The following ADGRF3 variants were observed in gnomAD, a reference collection of about 807,000 sequenced individuals.
ADGRF3 encodes G protein-coupled receptor 113.
A neutral mutation model predicts 93.2 loss-of-function variants in ADGRF3; 85 were observed. The observed-to-expected ratio is 0.91, with a 90% CI of 0.77 to 1.09. ADGRF3 has a LOEUF of 1.09. Among genes scored for constraint, ADGRF3 ranks in the 50% least tolerant of loss-of-function variants. The pLI is 0.00. For synonymous variants in ADGRF3, 534 were observed against 532.5 expected (o/e 1.00, Z -0.04); for missense variants, 1,125 against 1,246.2 (o/e 0.90, Z 1.46).
At chr2:26,344,344 A>G (rs1343372333) in intron 1 of ADGRF3, among the ~76,000 whole-genome samples, 2 of 152,136 alleles carry the variant, frequency 1.3e-5, no homozygotes, top group African/African-American at 2.4e-5. Flanking sequence ...AGGTTTCACC[A>G]TATTGTCCAG....
intron 4 of ADGRF3, 105 bp from the exon 5 acceptor site, chr2:26,315,845 C>T: frequency 6.8e-7 from 1 of 1,472,950 alleles, no homozygotes; most frequent in African/African-American, 1.4e-5. Context: ...TTCCTCCACA[C>T]TCCCTCCCTA....
intron 1 of ADGRF3, among the ~76,000 whole-genome samples, chr2:26,338,873 C>T (rs919401448): frequency 1.3e-5 from 2 of 152,026 alleles, no homozygotes; most frequent in Admixed American, 6.5e-5. Flanking sequence ...TGCGGTGGCT[C>T]ACGCCTGTAA....
At chr2:26,331,365 C>T (rs1056686074) in intron 1 of ADGRF3, among the ~76,000 whole-genome samples, 3 of 152,152 alleles carry the variant, frequency 2.0e-5, no homozygotes, top group African/African-American at 7.2e-5. Context: ...GCCTGACCAA[C>T]ATGGCGAAAC....
At chr2:26,310,127 T>C in intron 11 of ADGRF3, 22 bp from the exon 12 acceptor site, 6 of 1,614,038 alleles carry the variant, frequency 3.7e-6, no homozygotes, top group Non-Finnish European at 5.1e-6. Flanking sequence ...GTAAATGCTC[T>C]GCTTATGCCA....
chr2:26,331,707 T>C (rs972151265), intron 1 of ADGRF3, among the ~76,000 whole-genome samples: 1 of 152,070 alleles, frequency 6.6e-6, no homozygotes, highest in Non-Finnish European at 1.5e-5. Context: ...GCTGCCTGGG[T>C]GCAGAGTGAG....
rs746048383 is a variant in ADGRF3, at chr2:26,315,760, A to C, written c.500-20T>G. 7.7e-6 allele frequency: 12 copies of C among 1,550,618 alleles called. No homozygotes were observed. The highest frequency in any genetic ancestry group is 7.0e-6 in the Non-Finnish European group (8 of 1,146,934). ...CGGGGACTGCAGGGAGGCAGGTGAC[A>C]GGGGACCCTGGAGGAGGGACTTATG... is the stretch of plus-strand genomic sequence containing the variant. On this transcript the variant is annotated intron_variant, in intron 4 of 13. Transcript: ENST00000651242.
intron 3 of ADGRF3, 109 bp from the exon 4 acceptor site, chr2:26,316,557 C>G (rs1674694028): frequency 4.4e-6 from 5 of 1,147,894 alleles, no homozygotes. Flanking sequence ...GTATCTGGAC[C>G]AATCCCCAAG....
chr2:26,321,010 A>G (rs10207722), intron 1 of ADGRF3, among the ~76,000 whole-genome samples: 26,749 of 152,142 alleles, frequency 0.18, 4,050 homozygotes, highest in African/African-American at 0.41. Context: ...GGGATTAAGG[A>G]TCTGGATGGG....
intron 1 of ADGRF3, among the ~76,000 whole-genome samples, chr2:26,324,168 C>T (rs569991905): frequency 1.5e-4 from 23 of 152,226 alleles, no homozygotes; most frequent in African/African-American, 2.6e-4. Context: ...GGACGATCAC[C>T]GGAGCCCAGG....
At chr2:26,334,093 G>C (rs1329145981) in intron 1 of ADGRF3, among the ~76,000 whole-genome samples, 1 of 151,390 alleles carries the variant, frequency 6.6e-6, no homozygotes, top group African/African-American at 2.4e-5. Context: ...CCTAAAGTGC[G>C]TGAGCCACTG....
In ADGRF3 at chr2:26,313,046, T is replaced by C; in HGVS notation, c.1346A>G (p.Glu449Gly). The C allele has an allele frequency of 6.2e-7, 1 of 1,614,042 alleles. No homozygotes were observed. Among genetic ancestry groups the C allele is most frequent in the South Asian group, 1.1e-5 (1 of 91,088 alleles). Reference sequence around the variant, plus strand: ...CAGTAAGTCGGAGGGTGAACTTGCCTCTGCCGCCTGCCCTGGCAGCTGTGC... The same window carrying C: ...CAGTAAGTCGGAGGGTGAACTTGCCCCTGCCGCCTGCCCTGGCAGCTGTGC... ...ILAQLPGQAA[E>G]ASSPSDLLTL... Residue 449 changes from glutamate to glycine, a missense_variant, in exon 9 of 14, where the codon GAG (glutamate) becomes GGG (glycine). Physicochemically the swap from Glu to Gly is moderately conservative, Grantham distance 98. Transcript: ENST00000651242.
At chr2:26,312,825 G>A in intron 9 of ADGRF3, 118 bp downstream of exon 9, 1 of 911,206 alleles carries the variant, frequency 1.1e-6, no homozygotes. Flanking sequence ...CCTGGACTCT[G>A]GAAAGGTCTG....
At chr2:26,337,555 G>A (rs1236566866) in intron 1 of ADGRF3, among the ~76,000 whole-genome samples, 1 of 152,190 alleles carries the variant, frequency 6.6e-6, no homozygotes, top group South Asian at 2.1e-4. Flanking sequence ...TTAGGCTACT[G>A]AATTTTGAGT....
intron 9 of ADGRF3, among the ~76,000 whole-genome samples, chr2:26,312,361 C>T (rs1674245205): frequency 6.6e-6 from 1 of 152,202 alleles, no homozygotes; most frequent in African/African-American, 2.4e-5. Flanking sequence ...CTAGGGGCCA[C>T]CCAGGTTCTA....
At chr2:26,312,197 G>C (rs895167151) in intron 9 of ADGRF3, 123 bp from the exon 10 acceptor site, 33 of 964,528 alleles carry the variant, frequency 3.4e-5, no homozygotes, top group Non-Finnish European at 5.1e-5. Flanking sequence ...CAAGGTTGGA[G>C]AGAAAAGGGA....
chr2:26,343,437 CTTTT>C (rs61227869), intron 1 of ADGRF3, among the ~76,000 whole-genome samples: 2 of 146,332 alleles, frequency 1.4e-5, no homozygotes, highest in Non-Finnish European at 3.0e-5. Flanking sequence ...ATCAAATGAT[CTTTT>C]TTTTTTTTAT....
rs200527412 is a variant in ADGRF3 at position 26,313,503 on chromosome 2, T to G, written c.1143A>C (p.Ala381=). Residue 381 remains alanine (A), a synonymous_variant, in exon 8 of 14, where the codon GCA becomes GCC. Transcript: ENST00000651242. The part of the protein sequence containing the change: ...TWNVTKAGHV[A]QAPCPESKRG... ...TCTTGCTCTCAGGACATGGGGCCTG[T>G]GCCACGTGGCCAGCCTTGGTGACAT... 37 of 1,612,008 alleles carry G rather than the reference T, an allele frequency of 2.3e-5. No individual in the cohort carries two copies. The African/African-American group carries it at 3.7e-4, about 16-fold the overall frequency.
rs77635864 is a variant in ADGRF3 at position 26,309,815 on chromosome 2, G to C, written c.2937+228C>G. The stretch of plus-strand genomic sequence containing the variant: ...GGAGAAACCAGAGAAAAGAGAGTCA[G>C]CAGGAGTCCAGGTGATAATCAGGAA... On this transcript the variant is annotated intron_variant, in intron 12 of 13. Transcript: ENST00000651242. The C allele has an allele frequency of 2.2e-3, 2,335 of 1,076,642 alleles. 9 individuals are homozygous for C. Among genetic ancestry groups the C allele is most frequent in the Admixed American group, 3.9e-3 (148 of 38,338 alleles). 66.7% of individuals were successfully genotyped at this position (1,076,642 alleles called of 1,614,324 possible).
Position 26,311,164 on chromosome 2 carries a change from G to A in ADGRF3, c.2360C>T (p.Thr787Ile), listed in dbSNP as rs772448890. The A allele has an allele frequency of 2.5e-6, 4 of 1,597,060 alleles. No individual in the cohort carries two copies. In the Admixed American group the frequency reaches 5.3e-5, roughly 21 times the overall value. Residue 787 changes from threonine to isoleucine, a missense_variant, in exon 10 of 14, where the codon ACC (threonine) becomes ATC (isoleucine). Physicochemically the swap from Thr to Ile is moderately conservative, Grantham distance 89. Transcript: ENST00000651242. ...GGCCTGCGCCAGCATCCAGAAAAAG[G>A]TGGCCAGGTAGAGGAAATGACAGAG... ...AFLCHFLYLA[T>I]FFWMLAQALV...
Sources: gnomAD v4.1 joint callset for allele counts (sites outside exome capture counted in the v4.1 genomes callset) on GRCh38, gnomAD v4.1.1 for gene constraint, MANE v1.5 for transcripts, NCBI Gene and HGNC (gene_info 2026-07-23, HGNC 2026-07-21) for gene names.